Variants in SLC37A3 observed in about 807,000 individuals in gnomAD.
SLC37A3 encodes the protein solute carrier family 37 member 3.
Under a neutral mutation model 67.1 loss-of-function variants are expected in SLC37A3, and 51 were observed. That is an observed-to-expected ratio of 0.76 (90% CI 0.61 to 0.96). SLC37A3 has a LOEUF of 0.96. SLC37A3 is among the 40% of genes least tolerant of loss of function. The pLI is 0.00. For missense variants in SLC37A3, 508 were observed against 603.0 expected (o/e 0.84, Z 1.65); for synonymous variants, 214 against 231.4 (o/e 0.92, Z 0.68).
At position 140,334,306 on chromosome 7, in the gene SLC37A3, T is replaced by C. The variant is rs1796050291; in HGVS notation, c.*1106A>G. 1 of 152,336 alleles carries C rather than the reference T, an allele frequency of 6.6e-6. No homozygotes were observed. Among genetic ancestry groups the C allele is most frequent in the African/African-American group, 2.4e-5 (1 of 41,572 alleles). 9.4% of individuals were successfully genotyped at this position (152,336 alleles called of 1,614,324 possible). On this transcript the variant is annotated 3_prime_UTR_variant, in exon 15 of 15. Coordinates refer to ENST00000326232, the MANE Select transcript of SLC37A3 (RefSeq NM_207113.3). The stretch of plus-strand genomic sequence containing the variant: ...GGCAATTCTAAGTGTTCTGAGTACA[T>C]TTAGGGTGGACGAGGCTAAGCTGTG...
At chr7:140,342,566 T>G (rs898532168) in intron 13 of SLC37A3, among the ~76,000 whole-genome samples, 1 of 152,126 alleles carries the variant, frequency 6.6e-6, no homozygotes, top group African/African-American at 2.4e-5. Flanking sequence ...CTCAGATCCA[T>G]CTTTCTACAA....
chr7:140,352,251 G>GGC, intron 7 of SLC37A3, 105 bp from the exon 8 acceptor site: 1 of 469,932 alleles, frequency 2.1e-6, no homozygotes, highest in Non-Finnish European at 4.1e-6. Context: ...GGAGAGGTGG[G>GGC]AAGGGAGACC....
intron 14 of SLC37A3, 58 bp downstream of exon 14, chr7:140,337,226 C>T: frequency 7.1e-6 from 10 of 1,404,462 alleles, no homozygotes; most frequent in Non-Finnish European, 9.5e-6. Flanking sequence ...TAAGTAAGTG[C>T]TTTGAACTTA....
chr7:140,362,423 G>A lies in SLC37A3; in HGVS notation c.375+1985C>T, dbSNP rs1210425317. 3.1e-3 allele frequency among the ~76,000 whole-genome samples: 458 copies of A among 146,340 alleles called. 5 individuals carry two copies. In the South Asian group the frequency reaches 0.032, roughly 10 times the overall value. On this transcript the variant is annotated intron_variant, in intron 5 of 14. Coordinates refer to ENST00000326232, the MANE Select transcript of SLC37A3 (RefSeq NM_207113.3). ...CGCCCCGTCCGGGAGGGAGGTGGGG[G>A]GGGGGGTCAGCCCCCCGCCCGGCCA...
Position 140,348,340 on chromosome 7 carries a change from C to T in SLC37A3, c.1024+286G>A, listed in dbSNP as rs117191104. ...TTTAAAGAGATTCCCATGTGCTTCC[C>T]GAGACAAAAGAACTGATCCATCAAC... On this transcript the variant is annotated intron_variant, in intron 10 of 14. Transcript: ENST00000326232. The T allele has an allele frequency of 3.2e-3, 773 of 240,936 alleles. 12 individuals carry two copies. The highest frequency in any genetic ancestry group is 0.018 in the South Asian group (166 of 9,150). The allele number at this position is 240,936 out of a possible 1,614,324, so 14.9% of individuals were successfully genotyped here.
At chr7:140,362,168 T>G in intron 5 of SLC37A3, among the ~76,000 whole-genome samples, 1 of 130,200 alleles carries the variant, frequency 7.7e-6, no homozygotes, top group Non-Finnish European at 1.6e-5. Context: ...CCGCCGCCCA[T>G]TGTCTGAGAT....
At chr7:140,355,572 T>C in intron 7 of SLC37A3, 96 bp downstream of exon 7, 1 of 1,138,104 alleles carries the variant, frequency 8.8e-7, no homozygotes, top group Non-Finnish European at 1.3e-6. Context: ...TCTACATAGT[T>C]TTAAATGGCC....
chr7:140,363,058 G>A (rs1376614047), intron 5 of SLC37A3, among the ~76,000 whole-genome samples: 1 of 93,034 alleles, frequency 1.1e-5, no homozygotes, highest in Middle Eastern at 6.2e-3. Context: ...CGCCCCGTCA[G>A]GGAGGGTGGT....
intron 13 of SLC37A3, among the ~76,000 whole-genome samples, chr7:140,341,801 G>A (rs984191849): frequency 2.1e-4 from 32 of 152,126 alleles, no homozygotes; most frequent in East Asian, 1.2e-3. Flanking sequence ...GAAAACATTC[G>A]TAAGGAAGGA....
At position 140,382,593 on chromosome 7, in the gene SLC37A3, C is replaced by G; in HGVS notation, c.-67G>C. The G allele has an allele frequency of 7.1e-7, 1 of 1,400,018 alleles. No individual in the cohort carries two copies. The allele number at this position is 1,400,018 out of a possible 1,614,324, so 86.7% of individuals were successfully genotyped here. A position where few individuals can be genotyped will look rare whatever the true frequency, so the allele number is the denominator to read the frequency against. ...GGATGAGTGATTTACATCATTTCTT[C>G]CTTCTGGAAAGACAAAACACATTAT... On this transcript the variant is annotated 5_prime_UTR_variant, in exon 2 of 15. Coordinates refer to ENST00000326232, the MANE Select transcript of SLC37A3 (RefSeq NM_207113.3).
Position 140,335,248 on chromosome 7 carries a change from A to C in SLC37A3, c.*164T>G. The C allele has an allele frequency of 1.2e-6, 2 of 1,613,866 alleles. No individual in the cohort carries two copies. The highest frequency in any genetic ancestry group is 1.7e-6 in the Non-Finnish European group (2 of 1,179,784). On this transcript the variant is annotated 3_prime_UTR_variant, in exon 15 of 15. Coordinates refer to ENST00000326232, the MANE Select transcript of SLC37A3 (RefSeq NM_207113.3). ...TTCCTGTAGTGTAGAAAACTAGTGC[A>C]GCCTTCACTGCTGGTCAGCATCTCA...
intron 6 of SLC37A3, among the ~76,000 whole-genome samples, chr7:140,356,314 A>G (rs1255949032): frequency 6.6e-6 from 1 of 152,214 alleles, no homozygotes; most frequent in Non-Finnish European, 1.5e-5. Flanking sequence ...ATCTCAAAAT[A>G]CAAAGTCTTT....
chr7:140,394,648 G>A (rs1223340378), intron 1 of SLC37A3, among the ~76,000 whole-genome samples: 1 of 146,336 alleles, frequency 6.8e-6, no homozygotes, highest in African/African-American at 2.5e-5. Flanking sequence ...TCGCTCTGTC[G>A]CCCAGGCTGG....
rs1307002812 is a variant in SLC37A3 at position 140,398,464 on chromosome 7, G to C, written c.-119C>G. 2 of 152,268 alleles carry C rather than the reference G, an allele frequency of 1.3e-5. No individual in the cohort carries two copies. Among genetic ancestry groups the C allele is most frequent in the Admixed American group, 1.3e-4 (2 of 15,256 alleles). The allele number at this position is 152,268 out of a possible 1,614,324, so 9.4% of individuals were successfully genotyped here. A position where few individuals can be genotyped will look rare whatever the true frequency, so the allele number is the denominator to read the frequency against. On this transcript the variant is annotated 5_prime_UTR_variant, in exon 1 of 15. Coordinates refer to ENST00000326232, the MANE Select transcript of SLC37A3 (RefSeq NM_207113.3). ...TCTCCAGCCCCGGCTCCGCTCGCCG[G>C]GTCAGCTTGGCTCCGCTGCCCGCCT...
chr7:140,335,647 A>G, intron 14 of SLC37A3, 143 bp from the exon 15 acceptor site: 1 of 1,109,546 alleles, frequency 9.0e-7, no homozygotes, highest in Non-Finnish European at 1.3e-6. Flanking sequence ...ATGAATTAGA[A>G]AATGATTTTG....
chr7:140,396,067 G>A lies in SLC37A3; in HGVS notation c.-71+2349C>T, dbSNP rs554794063. On this transcript the variant is annotated intron_variant, in intron 1 of 14. Transcript: ENST00000326232. The stretch of plus-strand genomic sequence containing the variant: ...GTCTCACTCTGTTACCCAGGCTGGA[G>A]TGCAGTGGCGTGATCATAGTTCACT... Among the ~76,000 whole-genome samples the A allele has an allele frequency of 3.4e-3, 514 of 151,542 alleles. 3 individuals carry two copies. Among genetic ancestry groups the A allele is most frequent in the Non-Finnish European group, 5.0e-3 (339 of 67,930 alleles).
At chr7:140,387,708 A>T (rs1174402021) in intron 1 of SLC37A3, among the ~76,000 whole-genome samples, 6 of 95,538 alleles carry the variant, frequency 6.3e-5, no homozygotes, top group South Asian at 2.8e-4. Flanking sequence ...TATAAATATA[A>T]ATATACTATA....
chr7:140,366,526 T>C (rs1797608717), intron 4 of SLC37A3, among the ~76,000 whole-genome samples: 1 of 152,162 alleles, frequency 6.6e-6, no homozygotes. Flanking sequence ...ATTGATCCTT[T>C]ATGTCCTAAA....
chr7:140,369,511 C>G (rs1797735177), intron 4 of SLC37A3, 79 bp downstream of exon 4: 1 of 1,181,784 alleles, frequency 8.5e-7, no homozygotes, highest in Admixed American at 2.3e-5. Flanking sequence ...TTCAAAATCC[C>G]TTACAAATTT....
Sources: gnomAD v4.1 joint callset for allele counts (sites outside exome capture counted in the v4.1 genomes callset) on GRCh38, gnomAD v4.1.1 for gene constraint, MANE v1.5 for transcripts, NCBI Gene and HGNC (gene_info 2026-07-23, HGNC 2026-07-21) for gene names.